Variants in CCDC116 observed in about 807,000 individuals in gnomAD.
CCDC116 encodes the protein coiled-coil domain-containing protein 116.
CCDC116 carries 24 observed loss-of-function variants against 29.4 expected under a neutral mutation model. That is an observed-to-expected ratio of 0.82 (90% CI 0.59 to 1.15). The LOEUF is 1.15. CCDC116 is among the 50% of genes most tolerant of loss of function. CCDC116 has a pLI of 0.00. For missense variants in CCDC116, 791 were observed against 804.0 expected (o/e 0.98, Z 0.20); for synonymous variants, 298 against 331.4 (o/e 0.90, Z 1.10).
intron 3 of CCDC116, 37 bp from the exon 4 acceptor site, chr22:21,634,648 C>T (rs566681827): frequency 1.3e-6 from 2 of 1,573,382 alleles, no homozygotes; most frequent in Admixed American, 1.7e-5. Flanking sequence ...GGCTTGGCTG[C>T]TCCTGAACAC....
chr22:21,634,612 G>C (rs1236578309), intron 3 of CCDC116, 42 bp downstream of exon 3: 1 of 1,571,854 alleles, frequency 6.4e-7, no homozygotes, highest in Non-Finnish European at 8.6e-7. Context: ...GACTCCCATG[G>C]AGAGCCCAGG....
chr22:21,635,611 G>A (rs1292096313), intron 4 of CCDC116: 1 of 702,790 alleles, frequency 1.4e-6, no homozygotes, highest in South Asian at 1.5e-5. Context: ...GCATGAGTTT[G>A]CAGGAGAAGG....
chr22:21,634,771 G>A lies in CCDC116; in HGVS notation c.708G>A (p.Glu236=), dbSNP rs1930711591. 1 of 1,613,898 alleles carries A rather than the reference G, an allele frequency of 6.2e-7. No individual in the cohort carries two copies. The highest frequency in any genetic ancestry group is 1.3e-5 in the African/African-American group (1 of 74,942). ...GSQTSFQWTQ[E]QPLSWFSGLL... is the part of the protein sequence containing the mutation. Reference sequence around the variant, plus strand: ...AGACCAGCTTTCAGTGGACACAGGAGCAGCCCTTGTCCTGGTTCTCAGGGC... The same window carrying A: ...AGACCAGCTTTCAGTGGACACAGGAACAGCCCTTGTCCTGGTTCTCAGGGC... The change falls in exon 4 of 5, where the codon GAG becomes GAA. Residue 236 remains glutamate (E), a synonymous_variant. Coordinates refer to ENST00000292779, the MANE Select transcript of CCDC116 (RefSeq NM_152612.3).
At chr22:21,633,741 T>C (rs1241293865) in intron 2 of CCDC116, among the ~76,000 whole-genome samples, 1 of 152,190 alleles carries the variant, frequency 6.6e-6, no homozygotes, top group Admixed American at 6.5e-5. Flanking sequence ...GCAGACTCCT[T>C]AGCCAGGACT....
In CCDC116 at chr22:21,634,826, G is replaced by A. The variant is rs891301076; in HGVS notation, c.763G>A (p.Ala255Thr). ...GGGCTCAAGCTCTGGCGTGCCTGAA[G>A]CATCAGAGCCGAGGCCTGGAGAACA... Reference protein sequence around the residue: ...LLGSSSGVPEASEPRPGEQEP... With the variant: ...LLGSSSGVPETSEPRPGEQEP... Residue 255 changes from alanine (A) to threonine (T), a missense_variant, in exon 4 of 5, where the codon GCA (alanine) becomes ACA (threonine). Ala to Thr is a moderately conservative substitution (Grantham distance 58, BLOSUM62 0). Transcript: ENST00000292779. The A allele has an allele frequency of 1.2e-5, 19 of 1,613,946 alleles. No individual in the cohort carries two copies. The highest frequency in any genetic ancestry group is 1.6e-4 in the Middle Eastern group (1 of 6,084).
intron 4 of CCDC116, 118 bp downstream of exon 4, chr22:21,635,384 G>T (rs1199097157): frequency 2.1e-6 from 2 of 953,214 alleles, no homozygotes; most frequent in Non-Finnish European, 3.3e-6. Flanking sequence ...CAGCCAGAGG[G>T]CCCAGCCCTG....
At position 21,635,125 on chromosome 22, in the gene CCDC116, T is replaced by C. The variant is rs2148466215; in HGVS notation, c.1062T>C (p.Ala354=). ...SDLPPLGSEP[A]KPTNGGQPYA... ...TGCCGCCTCTGGGCTCTGAGCCAGC[T>C]AAACCCACCAATGGCGGGCAGCCCT... Residue 354 remains alanine (A), a synonymous_variant, in exon 4 of 5, where the codon GCT becomes GCC. Coordinates refer to ENST00000292779, the MANE Select transcript of CCDC116 (RefSeq NM_152612.3). The C allele has an allele frequency of 6.2e-7, 1 of 1,605,650 alleles. No individual in the cohort carries two copies. The highest frequency in any genetic ancestry group is 1.3e-5 in the African/African-American group (1 of 75,018).
rs201736759 is a variant in CCDC116 at position 21,636,827 on chromosome 22, C to T, written c.1599C>T (p.His533=). ...CTGTGCAGCAGGAACCAGCCACCCA[C>T]ACTGCCCAGGACCAGGCCACAGAGC... ...TPSVQQEPAT[H]TAQDQATEPC... Residue 533 remains histidine, a synonymous_variant, in exon 5 of 5, where the codon CAC becomes CAT. Coordinates refer to ENST00000292779, the MANE Select transcript of CCDC116 (RefSeq NM_152612.3). 1.9e-6 allele frequency: 3 copies of T among 1,613,424 alleles called. No individual in the cohort carries two copies. The highest frequency in any genetic ancestry group is 2.2e-5 in the East Asian group (1 of 44,870).
In CCDC116 at chr22:21,634,737, T is replaced by G. The variant is rs752852000; in HGVS notation, c.674T>G (p.Leu225Arg). Reference protein sequence around the residue: ...SQRDSLLWDSLGSQTSFQWTQ... With the variant: ...SQRDSLLWDSRGSQTSFQWTQ... ...AGGGACTCCCTGCTGTGGGATTCGC[T>G]GGGTAGCCAGACCAGCTTTCAGTGG... Residue 225 changes from leucine (L) to arginine (R), a missense_variant, in exon 4 of 5, where the codon CTG becomes CGG. Transcript: ENST00000292779. The G allele has an allele frequency of 6.2e-7, 1 of 1,612,768 alleles. No homozygotes were observed. Among genetic ancestry groups the G allele is most frequent in the East Asian group, 2.2e-5 (1 of 44,854 alleles).
chr22:21,636,978 G>A lies in CCDC116; in HGVS notation c.1750G>A (p.Glu584Lys). Residue 584 changes from glutamate to lysine, a missense_variant, in exon 5 of 5, where the codon GAG (glutamate) becomes AAG (lysine). Coordinates refer to ENST00000292779, the MANE Select transcript of CCDC116 (RefSeq NM_152612.3). The part of the protein sequence containing the change: ...SPPKSKDMDN[E>K]GRDKAEIEDE... The stretch of plus-strand genomic sequence containing the variant: ...CCCCAAGTCCAAGGACATGGACAAT[G>A]AGGGCCGTGATAAAGCCGAGATTGA... 1 of 1,613,734 alleles carries A rather than the reference G, an allele frequency of 6.2e-7. No individual in the cohort carries two copies.
In CCDC116 at chr22:21,634,035, A is replaced by C. The variant is rs1930656127; in HGVS notation, c.86A>C (p.Lys29Thr). Residue 29 changes from lysine (K) to threonine (T), a missense_variant, in exon 3 of 5, where the codon AAG becomes ACG. Lys to Thr is a moderately conservative substitution (Grantham distance 78, BLOSUM62 -1). Coordinates refer to ENST00000292779, the MANE Select transcript of CCDC116 (RefSeq NM_152612.3). ...SMCSARVQLP[K>T]KPLVPEMRPA... ...CTGTCTGCTCAGGTGCAGCTGCCCA[A>C]GAAGCCACTGGTCCCAGAAATGCGG... The C allele has an allele frequency of 1.2e-6, 2 of 1,607,710 alleles. No homozygotes were observed. The highest frequency in any genetic ancestry group is 1.7e-6 in the Non-Finnish European group (2 of 1,176,528).
intron 4 of CCDC116, 140 bp downstream of exon 4, chr22:21,635,406 A>C (rs1421320039): frequency 1.2e-6 from 1 of 812,574 alleles, no homozygotes; most frequent in Non-Finnish European, 2.1e-6. Context: ...CAGGGCCTGC[A>C]CCTCACCCTG....
At chr22:21,633,976 C>T (rs763959615) in intron 2 of CCDC116, 46 bp from the exon 3 acceptor site, 1 of 1,535,772 alleles carries the variant, frequency 6.5e-7, no homozygotes, top group Admixed American at 2.0e-5. Flanking sequence ...GGGAACCCTT[C>T]ACCTGTAGGG....
rs566751888 is a variant in CCDC116 at position 21,634,317 on chromosome 22, G to A, written c.368G>A (p.Arg123Gln). The A allele has an allele frequency of 1.9e-5, 31 of 1,612,670 alleles. No individual in the cohort carries two copies. Among genetic ancestry groups the A allele is most frequent in the South Asian group, 4.4e-5 (4 of 91,030 alleles). Residue 123 changes from arginine (R) to glutamine (Q), a missense_variant, in exon 3 of 5, where the codon CGG becomes CAG. Coordinates refer to ENST00000292779, the MANE Select transcript of CCDC116 (RefSeq NM_152612.3). ...GTGGAGGTGCCAAGTGGTGGACGGC[G>A]GGCACATGCCCGGCCCAGCCTCAGC... Reference protein sequence around the residue: ...DPVEVPSGGRRAHARPSLSTV... With the variant: ...DPVEVPSGGRQAHARPSLSTV...
At position 21,634,760 on chromosome 22, in the gene CCDC116, TG is replaced by T; in HGVS notation, c.699del (p.Trp233Ter). The T allele has an allele frequency of 6.2e-7, 1 of 1,613,588 alleles. No individual in the cohort carries two copies. The highest frequency in any genetic ancestry group is 8.5e-7 in the Non-Finnish European group (1 of 1,179,650). On this transcript the variant is annotated frameshift_variant, in exon 4 of 5. Coordinates refer to ENST00000292779, the MANE Select transcript of CCDC116 (RefSeq NM_152612.3). LOFTEE classifies it high-confidence loss of function. ...GCTGGGTAGCCAGACCAGCTTTCAGTGGACACAGGAGCAGCCCTTGTCCTGG... is the reference window on the plus strand; with the variant it reads ...GCTGGGTAGCCAGACCAGCTTTCAGTGACACAGGAGCAGCCCTTGTCCTGG... ...DSLGSQTSFQWTQEQPLSWFS... is the reference protein window; with the variant it reads ...DSLGSQTSFQXTQEQPLSWFS...
In CCDC116 at chr22:21,633,090, ACCCTCAGGTTGTCTC is replaced by A; in HGVS notation, c.-62-26_-62-12del. ...CCACAGATGCGTGGACCTATTGGAG[ACCCTCAGGTTGTCTC>A]CCCACCCCACGCAGAGAGGAATGCG... On this transcript the variant is annotated splice_polypyrimidine_tract_variant and intron_variant, in intron 1 of 4. Coordinates refer to ENST00000292779, the MANE Select transcript of CCDC116 (RefSeq NM_152612.3). The A allele has an allele frequency of 2.0e-6, 2 of 1,002,698 alleles. No homozygotes were observed. Among genetic ancestry groups the A allele is most frequent in the Admixed American group, 4.0e-5 (2 of 50,286 alleles). 62.1% of individuals were successfully genotyped at this position (1,002,698 alleles called of 1,614,324 possible).
chr22:21,636,327 G>C, intron 4 of CCDC116, 105 bp from the exon 5 acceptor site: 4 of 1,019,116 alleles, frequency 3.9e-6, no homozygotes, highest in Non-Finnish European at 5.8e-6. Context: ...GATGGGCAGG[G>C]CTGGCAGGGC....
Position 21,637,106 on chromosome 22 carries a change from C to T in CCDC116, c.*36C>T, listed in dbSNP as rs1469339290. On this transcript the variant is annotated 3_prime_UTR_variant, in exon 5 of 5. Coordinates refer to ENST00000292779, the MANE Select transcript of CCDC116 (RefSeq NM_152612.3). ...AGCCTGGAGAGGAGGCCTCGGTCAG[C>T]CACTCCGTGGACGTGGGCCACGGTG... The T allele has an allele frequency of 1.3e-6, 2 of 1,551,238 alleles. No homozygotes were observed. Among genetic ancestry groups the T allele is most frequent in the Non-Finnish European group, 1.7e-6 (2 of 1,147,416 alleles).
Position 21,635,108 on chromosome 22 carries a change from CT to C in CCDC116, c.1046del (p.Leu349ArgfsTer91), listed in dbSNP as rs1386725942. On this transcript the variant is annotated frameshift_variant, in exon 4 of 5. Coordinates refer to ENST00000292779, the MANE Select transcript of CCDC116 (RefSeq NM_152612.3). LOFTEE classifies it high-confidence loss of function. Reference sequence around the variant, plus strand: ...GGAGCCCACCTCAGATCTGCCGCCTCTGGGCTCTGAGCCAGCTAAACCCACC... The same window carrying C: ...GGAGCCCACCTCAGATCTGCCGCCTCGGGCTCTGAGCCAGCTAAACCCACC... ...SLEPTSDLPPLGSEPAKPTNG... is the reference protein window; with the variant it reads ...SLEPTSDLPPXGSEPAKPTNG... 2 of 1,607,050 alleles carry C rather than the reference CT, an allele frequency of 1.2e-6. No homozygotes were observed. The highest frequency in any genetic ancestry group is 1.7e-6 in the Non-Finnish European group (2 of 1,179,990).
Sources: gnomAD v4.1 joint callset for allele counts (sites outside exome capture counted in the v4.1 genomes callset) on GRCh38, gnomAD v4.1.1 for gene constraint, MANE v1.5 for transcripts, NCBI Gene and HGNC (gene_info 2026-07-23, HGNC 2026-07-21) for gene names.